CD8B: variants seen among roughly 807,000 people sequenced by gnomAD.
CD8B encodes the protein CD8 subunit beta, also known as T-cell surface glycoprotein CD8 beta chain.
CD8B carries 6 observed loss-of-function variants against 24.2 expected under a neutral mutation model. The observed-to-expected ratio is 0.25, with a 90% CI of 0.14 to 0.49. The LOEUF is 0.49. Ranked by LOEUF, CD8B falls within the 20% of genes least tolerant of loss-of-function variation. The probability of loss-of-function intolerance (pLI) is 0.98; values close to 1 mark genes in which losing one functional copy is unlikely to be tolerated. For missense variants in CD8B, 196 were observed against 271.3 expected, an observed-to-expected ratio of 0.72 and a Z score of 1.95; for synonymous variants, 84 against 108.3, an observed-to-expected ratio of 0.78 and a Z score of 1.39.
At chr2:86,856,680 G>A (rs1277030335) in intron 2 of CD8B, among the ~76,000 whole-genome samples, 2 of 151,820 alleles carry the variant, frequency 1.3e-5, no homozygotes, top group African/African-American at 2.4e-5. Flanking sequence ...GGGCCAAGCT[G>A]GAGGTGGGGC....
Position 86,858,136 on chromosome 2 carries a change from C to T in CD8B, c.324G>A (p.Pro108=), listed in dbSNP as rs1349990678. ...RFILNLTSVK[P]EDSGIYFCMI... Reference sequence around the variant, plus strand: ...TGCAGAAGTAGATGCCACTGTCTTCCGGCTTCACGCTTGTGAGATTGAGAA... The same window carrying T: ...TGCAGAAGTAGATGCCACTGTCTTCTGGCTTCACGCTTGTGAGATTGAGAA... The change falls in exon 2 of 6, where the codon CCG becomes CCA. Residue 108 remains proline (P), a synonymous_variant. Transcript: ENST00000390655. 11 of 1,613,874 alleles carry T rather than the reference C, an allele frequency of 6.8e-6. No individual in the cohort carries two copies. The highest frequency in any genetic ancestry group is 9.3e-6 in the Non-Finnish European group (11 of 1,179,882).
rs545255415 is a variant in CD8B, at chr2:86,861,043, A to G, written c.43+780T>C. On this transcript the variant is annotated intron_variant, in intron 1 of 5. Coordinates refer to ENST00000390655, the MANE Select transcript of CD8B (RefSeq NM_004931.5). ...GCTCTGAACGGCCTGGGCTGTTTCT[A>G]TTTATGATGTTGCACTCACTGGGCC... Among the ~76,000 whole-genome samples, 19 of 152,332 alleles carry G rather than the reference A, an allele frequency of 1.2e-4. No individual in the cohort carries two copies. The East Asian group carries it at 3.7e-3, about 29-fold the overall frequency.
At chr2:86,861,167 G>C (rs530703532) in intron 1 of CD8B, among the ~76,000 whole-genome samples, 1 of 152,152 alleles carries the variant, frequency 6.6e-6, no homozygotes, top group East Asian at 1.9e-4. Context: ...GTAGTTTTCC[G>C]GGTGTGTGGA....
chr2:86,826,824 G>GTTT (rs67145087), intron 5 of CD8B, among the ~76,000 whole-genome samples: 1 of 143,280 alleles, frequency 7.0e-6, no homozygotes, highest in South Asian at 2.3e-4. Flanking sequence ...TGAATTTCTT[G>GTTT]TTTTTTTTTT....
At position 86,839,391 on chromosome 2, in the gene CD8B, T is replaced by C. The variant is rs1675314266; in HGVS notation, c.*2916A>G. ...GTATTTCTTTGTGCATGCCACTTTTTGATGTATTTCTTTCAGATAAATGCC... is the reference window on the plus strand; with the variant it reads ...GTATTTCTTTGTGCATGCCACTTTTCGATGTATTTCTTTCAGATAAATGCC... On this transcript the variant is annotated 3_prime_UTR_variant, in exon 6 of 6. Transcript: ENST00000390655. Among the ~76,000 whole-genome samples the C allele has an allele frequency of 6.6e-6, 1 of 152,258 alleles. No individual in the cohort carries two copies. The highest frequency in any genetic ancestry group is 1.5e-5 in the Non-Finnish European group (1 of 68,044).
downstream of CD8B, among the ~76,000 whole-genome samples, chr2:86,833,328 G>A (rs895816726): frequency 3.3e-5 from 5 of 151,336 alleles, no homozygotes; most frequent in Admixed American, 3.3e-4. Flanking sequence ...CGAGTAGCTG[G>A]GATTACATGC....
At chr2:86,835,357 C>A (rs890653398), downstream of CD8B, among the ~76,000 whole-genome samples, 4 of 152,226 alleles carry the variant, frequency 2.6e-5, no homozygotes, top group Non-Finnish European at 5.9e-5. Context: ...AGTGTGGCTG[C>A]AGGGTAGGTA....
chr2:86,837,806 G>T (rs1345937664), downstream of CD8B, among the ~76,000 whole-genome samples: 2 of 132,282 alleles, frequency 1.5e-5, no homozygotes, highest in Non-Finnish European at 3.2e-5. Context: ...GGCGGGGGGA[G>T]GGGGGAACAC....
chr2:86,826,780 A>G (rs1674707582), intron 5 of CD8B, among the ~76,000 whole-genome samples: 1 of 151,626 alleles, frequency 6.6e-6, no homozygotes, highest in Non-Finnish European at 1.5e-5. Context: ...TGGGCACTGG[A>G]ATTGGCTGTG....
At chr2:86,856,242 G>C (rs762860047) in intron 2 of CD8B, among the ~76,000 whole-genome samples, 2 of 152,134 alleles carry the variant, frequency 1.3e-5, no homozygotes, top group Non-Finnish European at 2.9e-5. Context: ...GAGTGAGTGC[G>C]GTTGGGATGG....
chr2:86,857,767 C>G (rs1466510187), intron 2 of CD8B, among the ~76,000 whole-genome samples: 1 of 152,150 alleles, frequency 6.6e-6, no homozygotes, highest in African/African-American at 2.4e-5. Context: ...GCACAATGCT[C>G]ATCTCTGACT....
intron 1 of CD8B, among the ~76,000 whole-genome samples, chr2:86,860,972 C>G (rs1676552241): frequency 6.6e-6 from 1 of 152,238 alleles, no homozygotes; most frequent in Non-Finnish European, 1.5e-5. Flanking sequence ...GAATTCCATT[C>G]TCAGAGGGAC....
In CD8B at chr2:86,826,443, C is replaced by G. The variant is rs144966421; in HGVS notation, c.621-10725G>C. Among the ~76,000 whole-genome samples, 63 of 152,262 alleles carry G rather than the reference C, an allele frequency of 4.1e-4. 1 individual carries two copies. In the Middle Eastern group the frequency reaches 0.01, roughly 25 times the overall value. On this transcript the variant is annotated intron_variant, in intron 5 of 5. Coordinates refer to the CD8B transcript ENST00000331469. ...AGGAAACAGGAACCACCAATCGATT[C>G]TGACAATGTAGAAAGCAGTGGAGGT...
At chr2:86,857,099 C>G (rs546542127) in intron 2 of CD8B, among the ~76,000 whole-genome samples, 1 of 151,864 alleles carries the variant, frequency 6.6e-6, no homozygotes, top group South Asian at 2.1e-4. Flanking sequence ...CCATCAGCAC[C>G]CCCGTGTGAC....
intron 5 of CD8B, among the ~76,000 whole-genome samples, chr2:86,830,708 C>T (rs1674875245): frequency 6.6e-6 from 1 of 151,822 alleles, no homozygotes; most frequent in African/African-American, 2.4e-5. Context: ...CCAAATTGCC[C>T]CTCAGAATGG....
intron 2 of CD8B, among the ~76,000 whole-genome samples, chr2:86,857,670 A>G (rs1483157283): frequency 6.6e-6 from 1 of 152,174 alleles, no homozygotes; most frequent in Non-Finnish European, 1.5e-5. Context: ...CAGTGAGCCA[A>G]GATCGCACCA....
intron 5 of CD8B, among the ~76,000 whole-genome samples, chr2:86,831,704 G>A (rs1381063440): frequency 6.6e-6 from 1 of 152,140 alleles, no homozygotes; most frequent in African/African-American, 2.4e-5. Context: ...CAGTAATGAA[G>A]CTGTGGGATC....
In CD8B at chr2:86,853,693, T is replaced by A. The variant is rs578019673; in HGVS notation, c.404-607A>T. Among the ~76,000 whole-genome samples the A allele has an allele frequency of 3.0e-3, 461 of 151,962 alleles. 2 individuals are homozygous for A. Among genetic ancestry groups the A allele is most frequent in the Non-Finnish European group, 5.2e-3 (356 of 67,982 alleles). ...GAGCCTACACCTCTGATTTATTTAT[T>A]TTTATTTATTTATTTATTTATTTAT... is the stretch of plus-strand genomic sequence containing the variant. On this transcript the variant is annotated intron_variant, in intron 2 of 5. Coordinates refer to ENST00000390655, the MANE Select transcript of CD8B (RefSeq NM_004931.5).
intron 5 of CD8B, among the ~76,000 whole-genome samples, chr2:86,844,369 A>C (rs188228132): frequency 6.6e-6 from 1 of 151,768 alleles, no homozygotes; most frequent in Non-Finnish European, 1.5e-5. Flanking sequence ...CTGGTCTTCA[A>C]ATCCGATTCC....
Sources: allele counts gnomAD v4.1 joint callset (sites outside exome capture counted in the v4.1 genomes callset), GRCh38; gene constraint gnomAD v4.1.1; transcripts MANE v1.5; gene names NCBI Gene and HGNC (gene_info 2026-07-23, HGNC 2026-07-21).